The following B4GALNT3 variants were observed in gnomAD, a reference collection of about 807,000 sequenced individuals.
B4GALNT3 encodes the protein beta-1,4-N-acetylgalactosaminyltransferase 3.
In B4GALNT3, 86 loss-of-function variants were observed where a neutral mutation model predicts 120.2. The ratio of observed to expected loss-of-function variants is 0.72; its 90% CI spans 0.60 to 0.86. B4GALNT3 has a LOEUF of 0.86. B4GALNT3 is among the 40% of genes least tolerant of loss of function. The pLI is 0.00. For missense variants in B4GALNT3, 1,167 were observed against 1,298.9 expected (o/e 0.90, Z 1.56); for synonymous variants, 518 against 510.4 (o/e 1.01, Z -0.20).
chr12:557,536 G>T (rs1264980055), intron 15 of B4GALNT3, 72 bp from the exon 16 acceptor site: 2 of 1,506,782 alleles, frequency 1.3e-6, no homozygotes, highest in Non-Finnish European at 1.8e-6. Flanking sequence ...CTGGGAGCTG[G>T]GGGTGGAGGC....
chr12:549,987 G>A lies in B4GALNT3; in HGVS notation c.997+75G>A. On this transcript the variant is annotated intron_variant, in intron 10 of 19. Coordinates refer to ENST00000266383, the MANE Select transcript of B4GALNT3 (RefSeq NM_173593.4). ...CAGGTCCACTGCTGATGGTGGAGAA[G>A]GCTTGAGAGACCTGCCAAGTATCCC... The A allele has an allele frequency of 4.0e-6, 6 of 1,486,934 alleles. No homozygotes were observed. In the South Asian group the frequency reaches 7.5e-5, roughly 19 times the overall value. 92.1% of individuals were successfully genotyped at this position (1,486,934 alleles called of 1,614,324 possible). A position where few individuals can be genotyped will look rare whatever the true frequency, so the allele number is the denominator to read the frequency against.
At chr12:465,319 A>G (rs1946066295) in intron 1 of B4GALNT3, among the ~76,000 whole-genome samples, 1 of 152,226 alleles carries the variant, frequency 6.6e-6, no homozygotes, top group Non-Finnish European at 1.5e-5. Flanking sequence ...CTAGGCGCTC[A>G]GATAAGTACC....
At chr12:482,640 G>T (rs1054719976) in intron 1 of B4GALNT3, among the ~76,000 whole-genome samples, 1 of 152,154 alleles carries the variant, frequency 6.6e-6, no homozygotes, top group East Asian at 1.9e-4. Context: ...CGTTATTTCC[G>T]GTGAGAGAGA....
At position 552,147 on chromosome 12, in the gene B4GALNT3, G is replaced by A. The variant is rs1266024801; in HGVS notation, c.1192G>A (p.Ala398Thr). ...THNKCFYQEN[A>T]YYQDRFSFQE... Reference sequence around the variant, plus strand: ...CAATAAATGTTTCTACCAGGAAAACGCCTACTACCAAGACCGGTGAGAGAC... The same window carrying A: ...CAATAAATGTTTCTACCAGGAAAACACCTACTACCAAGACCGGTGAGAGAC... The change falls in exon 12 of 20, where the codon GCC (alanine) becomes ACC (threonine). Residue 398 changes from alanine to threonine, a missense_variant. Ala to Thr is a moderately conservative substitution (Grantham distance 58, BLOSUM62 0). This residue lies in a region of B4GALNT3 where 983 missense variants were observed against 1,102.5 expected (regional missense o/e 0.89). Transcript: ENST00000266383. The A allele has an allele frequency of 8.7e-6, 14 of 1,610,626 alleles. No homozygotes were observed. The South Asian group carries it at 1.1e-4, about 13-fold the overall frequency.
At chr12:557,580 C>T (rs776545841) in intron 15 of B4GALNT3, 28 bp from the exon 16 acceptor site, 5 of 1,592,768 alleles carry the variant, frequency 3.1e-6, no homozygotes, top group Non-Finnish European at 4.3e-6. Context: ...GTCTGTGTTT[C>T]CTTCTCCTGC....
chr12:489,174 G>A (rs1323939285), intron 1 of B4GALNT3, among the ~76,000 whole-genome samples: 3 of 150,374 alleles, frequency 2.0e-5, no homozygotes, highest in African/African-American at 7.4e-5. Flanking sequence ...GGGTTGGGGT[G>A]GGGGGGCAAG....
At chr12:504,367 A>C (rs12296756) in intron 1 of B4GALNT3, among the ~76,000 whole-genome samples, 1,683 of 151,904 alleles carry the variant, frequency 0.011, 42 homozygotes, top group African/African-American at 0.038. Flanking sequence ...TTTAAGTAAA[A>C]TATAAAGACC....
intron 1 of B4GALNT3, among the ~76,000 whole-genome samples, chr12:497,845 C>T (rs1162078955): frequency 6.6e-6 from 1 of 152,136 alleles, no homozygotes; most frequent in Non-Finnish European, 1.5e-5. Flanking sequence ...TTGTTGCTCT[C>T]CTGTTCAGTA....
chr12:551,925 C>T (rs1947088050), intron 11 of B4GALNT3, 138 bp from the exon 12 acceptor site: 1 of 700,188 alleles, frequency 1.4e-6, no homozygotes, highest in East Asian at 2.5e-5. Flanking sequence ...GCGCTCAGAG[C>T]AACCCTTCTC....
At chr12:469,554 A>C (rs577749579) in intron 1 of B4GALNT3, among the ~76,000 whole-genome samples, 1 of 152,206 alleles carries the variant, frequency 6.6e-6, no homozygotes, top group East Asian at 1.9e-4. Context: ...CACATTCTTC[A>C]ATCACTTTTT....
chr12:520,941 A>C (rs11063380), intron 1 of B4GALNT3, among the ~76,000 whole-genome samples: 34,026 of 152,210 alleles, frequency 0.22, 4,371 homozygotes, highest in East Asian at 0.49. Context: ...TATTCTGAAT[A>C]GTCAGCTCTT....
chr12:510,463 G>C (rs1013840173), intron 1 of B4GALNT3, among the ~76,000 whole-genome samples: 1 of 151,532 alleles, frequency 6.6e-6, no homozygotes, highest in Non-Finnish European at 1.5e-5. Context: ...TGGACGCTGG[G>C]GGGCTGGTCA....
intron 3 of B4GALNT3, among the ~76,000 whole-genome samples, chr12:537,335 A>T (rs1946871241): frequency 6.6e-6 from 1 of 152,160 alleles, no homozygotes; most frequent in Non-Finnish European, 1.5e-5. Context: ...CCCAGGCTGG[A>T]GTACAGTGAC....
chr12:558,288 C>G (rs150278983), intron 17 of B4GALNT3, among the ~76,000 whole-genome samples, 200 bp downstream of exon 17: 1 of 152,278 alleles, frequency 6.6e-6, no homozygotes, highest in Non-Finnish European at 1.5e-5. Context: ...TGTCCAGGGT[C>G]CTTGGAGCCT....
chr12:561,556 C>A lies in B4GALNT3; in HGVS notation c.*105C>A. On this transcript the variant is annotated 3_prime_UTR_variant, in exon 20 of 20. Transcript: ENST00000266383. ...TGGGGAGTGGGGTGACGGCTGGACC[C>A]CAAGAGGCCTCGAAGCTGACGGCCC... 3 of 905,636 alleles carry A rather than the reference C, an allele frequency of 3.3e-6. No individual in the cohort carries two copies. The allele number at this position is 905,636 out of a possible 1,614,324, so 56.1% of individuals were successfully genotyped here.
chr12:556,584 C>G lies in B4GALNT3; in HGVS notation c.2098C>G (p.Arg700Gly), dbSNP rs149737676. Residue 700 changes from arginine to glycine, a missense_variant, in exon 15 of 20, where the codon CGT becomes GGT. This residue lies in a region of B4GALNT3 where 983 missense variants were observed against 1,102.5 expected (regional missense o/e 0.89). Transcript: ENST00000266383. Reference protein sequence around the residue: ...QLQRIVNVEKRQDQLRGGRYL... With the variant: ...QLQRIVNVEKGQDQLRGGRYL... ...ACAGCGCATTGTGAACGTGGAAAAG[C>G]GTCAGGACCAGCTACGTGGGGGTCG... 1.2e-6 allele frequency: 2 copies of G among 1,613,976 alleles called. No individual in the cohort carries two copies. Among genetic ancestry groups the G allele is most frequent in the Non-Finnish European group, 8.5e-7 (1 of 1,179,986 alleles).
chr12:500,693 T>C (rs1443080089), intron 1 of B4GALNT3, among the ~76,000 whole-genome samples: 3 of 152,034 alleles, frequency 2.0e-5, no homozygotes, highest in Non-Finnish European at 4.4e-5. Flanking sequence ...CCACCAGGCC[T>C]TCATACTATC....
chr12:532,652 G>A (rs1946819219), intron 1 of B4GALNT3, among the ~76,000 whole-genome samples: 1 of 152,174 alleles, frequency 6.6e-6, no homozygotes, highest in African/African-American at 2.4e-5. Context: ...ATGTTAGGGG[G>A]CGGGGGGTTC....
At chr12:559,232 G>T in intron 18 of B4GALNT3, 63 bp from the exon 19 acceptor site, 2 of 1,606,502 alleles carry the variant, frequency 1.2e-6, no homozygotes, top group East Asian at 2.2e-5. Context: ...CAGCCTGGAA[G>T]CCTCCTTCCT....
Sources: gnomAD v4.1 joint callset for allele counts (sites outside exome capture counted in the v4.1 genomes callset) on GRCh38, gnomAD v4.1.1 for gene constraint, gnomAD v4.1.1 regional missense constraint, MANE v1.5 for transcripts, NCBI Gene and HGNC (gene_info 2026-07-23, HGNC 2026-07-21) for gene names.